COL25A1: variants seen among roughly 807,000 people sequenced by gnomAD.
COL25A1 encodes collagen type XXV alpha 1 chain.
A neutral mutation model predicts 128.4 loss-of-function variants in COL25A1; 103 were observed. The ratio of observed to expected loss-of-function variants is 0.80; its 90% confidence interval spans 0.68 to 0.94. COL25A1 has a LOEUF of 0.94. Among genes scored for constraint, COL25A1 ranks in the 40% least tolerant of loss-of-function variants. The pLI is 0.00. For missense variants in COL25A1, 745 were observed against 840.0 expected, an observed-to-expected ratio of 0.89 and a Z score of 1.40; for synonymous variants, 279 against 277.2, an observed-to-expected ratio of 1.01 and a Z score of -0.06.
At chr4:109,281,238 G>C (rs2126275133) in intron 3 of COL25A1, among the ~76,000 whole-genome samples, 1 of 152,192 alleles carries the variant, frequency 6.6e-6, no homozygotes, top group Admixed American at 6.5e-5. Flanking sequence ...AACTAAAGCT[G>C]ATCAGGGAAT....
At chr4:109,117,258 A>G (rs575176248) in intron 3 of COL25A1, among the ~76,000 whole-genome samples, 158 of 152,078 alleles carry the variant, frequency 1.0e-3, no homozygotes, top group African/African-American at 3.7e-3. Flanking sequence ...CCAGAGGGGG[A>G]GAAAAACACC....
chr4:109,025,964 T>C (rs1029221786), intron 5 of COL25A1, among the ~76,000 whole-genome samples: 1 of 151,998 alleles, frequency 6.6e-6, no homozygotes, highest in Non-Finnish European at 1.5e-5. Flanking sequence ...GAGCTCTCAC[T>C]TGTGTCATGC....
chr4:109,221,091 T>C (rs1778376532), intron 3 of COL25A1, among the ~76,000 whole-genome samples: 1 of 151,940 alleles, frequency 6.6e-6, no homozygotes, highest in African/African-American at 2.4e-5. Flanking sequence ...TTAATATGCA[T>C]AAGATATTAA....
chr4:109,025,487 T>C (rs1450392467), intron 5 of COL25A1, among the ~76,000 whole-genome samples: 1 of 152,202 alleles, frequency 6.6e-6, no homozygotes, highest in Non-Finnish European at 1.5e-5. Flanking sequence ...TTTCTAAATA[T>C]TGTGCACAAA....
intron 6 of COL25A1, among the ~76,000 whole-genome samples, chr4:108,980,950 C>T (rs189330653): frequency 3.3e-5 from 5 of 152,332 alleles, no homozygotes; most frequent in African/African-American, 1.2e-4. Flanking sequence ...TCCCGTTTTT[C>T]TCTTGTACAA....
chr4:109,081,515 T>A (rs1435782171), intron 3 of COL25A1, among the ~76,000 whole-genome samples: 1 of 152,124 alleles, frequency 6.6e-6, no homozygotes, highest in Non-Finnish European at 1.5e-5. Flanking sequence ...TACCATACAG[T>A]TTATCCATTT....
chr4:108,884,355 C>T (rs1740517421), intron 18 of COL25A1, 133 bp from the exon 19 acceptor site: 2 of 767,024 alleles, frequency 2.6e-6, no homozygotes, highest in Admixed American at 2.7e-5. Flanking sequence ...CTTTCAAAAA[C>T]TTTGATGAGA....
At chr4:108,842,230 G>C (rs1379760087) in intron 30 of COL25A1, among the ~76,000 whole-genome samples, 2 of 152,054 alleles carry the variant, frequency 1.3e-5, no homozygotes, top group African/African-American at 4.8e-5. Context: ...CCAAATTTTG[G>C]ATTTTGTAGC....
intron 6 of COL25A1, among the ~76,000 whole-genome samples, chr4:109,000,765 A>C (rs957833541): frequency 6.5e-5 from 6 of 92,052 alleles, no homozygotes; most frequent in Admixed American, 2.3e-4. Context: ...AAAAAAAAAA[A>C]AAAGAAAAAA....
At chr4:108,981,796 G>T (rs1304938131) in intron 6 of COL25A1, among the ~76,000 whole-genome samples, 2 of 152,102 alleles carry the variant, frequency 1.3e-5, no homozygotes, top group African/African-American at 4.8e-5. Context: ...TTTATAAAAT[G>T]CCTGCCCTAC....
At chr4:108,869,899 T>G (rs1241010674) in intron 19 of COL25A1, among the ~76,000 whole-genome samples, 1 of 152,196 alleles carries the variant, frequency 6.6e-6, no homozygotes, top group Non-Finnish European at 1.5e-5. Context: ...TATTTCAACC[T>G]TTGTTTCATG....
At chr4:109,193,290 T>A (rs1429104898) in intron 3 of COL25A1, among the ~76,000 whole-genome samples, 2 of 151,886 alleles carry the variant, frequency 1.3e-5, no homozygotes, top group African/African-American at 2.4e-5. Context: ...AAAAAAAAAA[T>A]TCAATTTGAA....
At chr4:109,156,679 T>A (rs1772067801) in intron 3 of COL25A1, among the ~76,000 whole-genome samples, 2 of 152,110 alleles carry the variant, frequency 1.3e-5, no homozygotes, top group African/African-American at 4.8e-5. Flanking sequence ...AAGGATAATT[T>A]AGGATTTCAA....
chr4:109,086,274 G>A, intron 3 of COL25A1, among the ~76,000 whole-genome samples: 1 of 152,150 alleles, frequency 6.6e-6, no homozygotes, highest in Non-Finnish European at 1.5e-5. Flanking sequence ...AGGATGCTGA[G>A]TGTTTAGCTC....
chr4:109,093,275 T>C (rs955994109), intron 3 of COL25A1, among the ~76,000 whole-genome samples: 11 of 152,088 alleles, frequency 7.2e-5, no homozygotes, highest in African/African-American at 2.7e-4. Flanking sequence ...CTTTTGTAGA[T>C]TGCAACTAAA....
At chr4:108,993,873 A>AAAC (rs1480297799) in intron 6 of COL25A1, among the ~76,000 whole-genome samples, 2 of 151,516 alleles carry the variant, frequency 1.3e-5, no homozygotes, top group Non-Finnish European at 2.9e-5. Flanking sequence ...AAAAAAAAAA[A>AAAC]CAAGAAATTA....
chr4:108,967,166 A>G (rs913072740), intron 8 of COL25A1, among the ~76,000 whole-genome samples: 1 of 152,190 alleles, frequency 6.6e-6, no homozygotes. Context: ...AAATGAGAAT[A>G]ATAAAAGTAA....
At chr4:108,960,507 A>C (rs887383515) in intron 8 of COL25A1, among the ~76,000 whole-genome samples, 2 of 152,158 alleles carry the variant, frequency 1.3e-5, no homozygotes, top group African/African-American at 4.8e-5. Context: ...CTCAAAGCAC[A>C]GTTCAGTAGG....
At chr4:109,223,418 G>A (rs1470327500) in intron 3 of COL25A1, among the ~76,000 whole-genome samples, 4 of 151,396 alleles carry the variant, frequency 2.6e-5, no homozygotes, top group African/African-American at 9.7e-5. Flanking sequence ...AAAAAAAACT[G>A]CACTAATGAT....
Sources: gnomAD v4.1 joint callset for allele counts (sites outside exome capture counted in the v4.1 genomes callset) on GRCh38, gnomAD v4.1.1 for gene constraint, MANE v1.5 for transcripts, NCBI Gene and HGNC (gene_info 2026-07-23, HGNC 2026-07-21) for gene names.